Variants in ROBO2 observed in about 807,000 individuals in gnomAD.
ROBO2 encodes the protein roundabout guidance receptor 2.
A neutral mutation model predicts 160.8 loss-of-function variants in ROBO2; 53 were observed. The ratio of observed to expected loss-of-function variants is 0.33; its 90% CI spans 0.26 to 0.41. The LOEUF (loss-of-function observed/expected upper bound fraction) is 0.41. ROBO2 is among the 10% of genes least tolerant of loss of function. ROBO2 has a pLI of 1.00. For synonymous variants in ROBO2, 664 were observed against 611.7 expected (o/e 1.09, Z -1.26); for missense variants, 1,577 against 1,722.4 (o/e 0.92, Z 1.49).
intron 2 of ROBO2, among the ~76,000 whole-genome samples, chr3:76,539,057 A>T (rs1423171479): frequency 6.6e-6 from 1 of 152,164 alleles, no homozygotes; most frequent in Non-Finnish European, 1.5e-5. Flanking sequence ...ACATGGATGA[A>T]GCTGGAAACC....
intron 2 of ROBO2, among the ~76,000 whole-genome samples, chr3:76,607,332 A>G (rs912879433): frequency 2.0e-5 from 3 of 152,222 alleles, no homozygotes; most frequent in Non-Finnish European, 4.4e-5. Flanking sequence ...CCAAGCTTCC[A>G]TTTCATTTTT....
chr3:77,592,682 G>A (rs1465036388), intron 17 of ROBO2, among the ~76,000 whole-genome samples: 1 of 152,094 alleles, frequency 6.6e-6, no homozygotes, highest in Non-Finnish European at 1.5e-5. Flanking sequence ...CTCCCGAATA[G>A]CTGGGATTAC....
intron 2 of ROBO2, among the ~76,000 whole-genome samples, chr3:76,669,108 T>G (rs1445399354): frequency 1.3e-5 from 2 of 152,102 alleles, no homozygotes; most frequent in Non-Finnish European, 2.9e-5. Flanking sequence ...AACAGGCTCC[T>G]CTGACCCTAC....
chr3:77,044,609 G>T (rs1406956812), intron 1 of ROBO2, among the ~76,000 whole-genome samples: 1 of 152,012 alleles, frequency 6.6e-6, no homozygotes, highest in African/African-American at 2.4e-5. Flanking sequence ...AAGAAGATAG[G>T]TGAGGGTGTT....
intron 23 of ROBO2, among the ~76,000 whole-genome samples, chr3:77,622,788 G>T (rs2094929000): frequency 6.6e-6 from 1 of 152,138 alleles, no homozygotes; most frequent in Admixed American, 6.5e-5. Context: ...CATATGAAGT[G>T]AATGCAATCT....
intron 5 of ROBO2, among the ~76,000 whole-genome samples, chr3:77,513,570 C>T (rs954644114): frequency 3.3e-5 from 5 of 151,728 alleles, no homozygotes. Context: ...TAAGATTATT[C>T]ATCAAATATA....
intron 2 of ROBO2, among the ~76,000 whole-genome samples, chr3:76,412,724 G>A (rs1559906171): frequency 1.3e-5 from 2 of 152,238 alleles, no homozygotes; most frequent in African/African-American, 4.8e-5. Flanking sequence ...CACCCCTGTG[G>A]TTTTGCAGGA....
chr3:76,827,396 A>G (rs1576885122), intron 2 of ROBO2, among the ~76,000 whole-genome samples: 1 of 152,122 alleles, frequency 6.6e-6, no homozygotes, highest in East Asian at 1.9e-4. Context: ...TAGGTGATTC[A>G]TTTGTTTTCT....
intron 2 of ROBO2, among the ~76,000 whole-genome samples, chr3:77,439,477 A>G (rs1171820649): frequency 6.6e-6 from 1 of 151,898 alleles, no homozygotes; most frequent in African/African-American, 2.4e-5. Context: ...ATGATATACA[A>G]ATTAGTTCTG....
chr3:77,084,950 A>G (rs905435962), intron 1 of ROBO2, among the ~76,000 whole-genome samples: 18 of 152,230 alleles, frequency 1.2e-4, no homozygotes, highest in Admixed American at 9.8e-4. Flanking sequence ...CAGTGATGTT[A>G]TCTGCTGGTC....
chr3:76,851,526 G>C (rs1247381235), intron 2 of ROBO2, among the ~76,000 whole-genome samples: 1 of 151,352 alleles, frequency 6.6e-6, no homozygotes, highest in East Asian at 2.0e-4. Context: ...ATGAGGTCAG[G>C]AGATCGAGAC....
chr3:76,029,276 CTG>C (rs1186939670), intron 2 of ROBO2, among the ~76,000 whole-genome samples: 1 of 151,854 alleles, frequency 6.6e-6, no homozygotes, highest in Non-Finnish European at 1.5e-5. Flanking sequence ...TTTTTGTTAA[CTG>C]TGTTTAATAA....
intron 2 of ROBO2, among the ~76,000 whole-genome samples, chr3:76,936,217 T>A (rs1459376309): frequency 6.6e-6 from 1 of 151,426 alleles, no homozygotes; most frequent in Admixed American, 6.6e-5. Context: ...AAAAAAAAAA[T>A]AGATGTATTT....
chr3:76,603,344 AAAAAAAAATATATATATATAT>A (rs1310037315), intron 2 of ROBO2, among the ~76,000 whole-genome samples: 6 of 64,684 alleles, frequency 9.3e-5, no homozygotes, highest in Non-Finnish European at 1.2e-4. Flanking sequence ...AAAAAAAAAA[AAAAAAAAATATATATATATAT>A]ATATATATAT....
chr3:76,983,152 G>T (rs1188691783), intron 2 of ROBO2, among the ~76,000 whole-genome samples: 1 of 152,060 alleles, frequency 6.6e-6, no homozygotes, highest in Non-Finnish European at 1.5e-5. Flanking sequence ...GGGCGTGGTG[G>T]CTCATGCCTG....
intron 2 of ROBO2, among the ~76,000 whole-genome samples, chr3:76,260,272 C>G (rs1285513726): frequency 6.6e-6 from 1 of 151,996 alleles, no homozygotes; most frequent in Non-Finnish European, 1.5e-5. Flanking sequence ...AACATTTACT[C>G]TAATTTATAT....
At chr3:76,401,873 T>C (rs1332641380) in intron 2 of ROBO2, among the ~76,000 whole-genome samples, 2 of 151,530 alleles carry the variant, frequency 1.3e-5, no homozygotes, top group Non-Finnish European at 3.0e-5. Context: ...ACAATGGTAG[T>C]AAAATAAGTG....
At chr3:76,594,118 C>T (rs968583338) in intron 2 of ROBO2, among the ~76,000 whole-genome samples, 3 of 151,924 alleles carry the variant, frequency 2.0e-5, no homozygotes, top group African/African-American at 7.2e-5. Context: ...GAATATCTAA[C>T]ATCCATTACA....
At chr3:76,705,562 C>T (rs2093143333) in intron 2 of ROBO2, among the ~76,000 whole-genome samples, 1 of 151,974 alleles carries the variant, frequency 6.6e-6, no homozygotes, top group African/African-American at 2.4e-5. Context: ...TGATTGAGGA[C>T]CTTCAAGAAA....
Sources: allele counts gnomAD v4.1 joint callset (sites outside exome capture counted in the v4.1 genomes callset), GRCh38; gene constraint gnomAD v4.1.1; transcripts MANE v1.5; gene names NCBI Gene and HGNC (gene_info 2026-07-23, HGNC 2026-07-21).